The following GFRA1 variants were observed in gnomAD, a reference collection of about 807,000 sequenced individuals.
GFRA1 encodes the protein GDNF family receptor alpha-1.
Under a neutral mutation model 51.6 loss-of-function variants are expected in GFRA1, and 16 were observed. The ratio of observed to expected loss-of-function variants is 0.31; its 90% CI spans 0.21 to 0.47. The LOEUF (loss-of-function observed/expected upper bound fraction) is 0.47. GFRA1 is among the 20% of genes least tolerant of loss of function. GFRA1 has a pLI of 1.00. For missense variants in GFRA1, 530 were observed against 594.3 expected (o/e 0.89, Z 1.13); for synonymous variants, 270 against 241.3 (o/e 1.12, Z -1.10).
At chr10:116,221,145 CCT>C (rs1589884369) in intron 4 of GFRA1, among the ~76,000 whole-genome samples, 1 of 152,132 alleles carries the variant, frequency 6.6e-6, no homozygotes, top group Admixed American at 6.5e-5. Context: ...CTGCCTGAAT[CCT>C]CTCAGTCACC....
chr10:116,217,943 G>A (rs568474473), intron 4 of GFRA1, among the ~76,000 whole-genome samples: 6 of 152,304 alleles, frequency 3.9e-5, no homozygotes, highest in Admixed American at 1.3e-4. Flanking sequence ...GCATAGGACT[G>A]TAAAGGAATC....
chr10:116,060,235 G>C lies in GFRA1; in HGVS notation c.*4163C>G, dbSNP rs1048244210. Reference sequence around the variant, plus strand: ...GCCGTGTCAAAGCCAAGAGGTGTCAGATATACACTTGAGATATCTATCTTA... The same window carrying C: ...GCCGTGTCAAAGCCAAGAGGTGTCACATATACACTTGAGATATCTATCTTA... On this transcript the variant is annotated 3_prime_UTR_variant, in exon 11 of 11. Transcript: ENST00000355422. 1 of 152,144 alleles carries C rather than the reference G, an allele frequency of 6.6e-6. No homozygotes were observed. The highest frequency in any genetic ancestry group is 1.9e-4 in the East Asian group (1 of 5,178). The allele number at this position is 152,144 out of a possible 1,614,324, so 9.4% of individuals were successfully genotyped here. A position where few individuals can be genotyped will look rare whatever the true frequency, so the allele number is the denominator to read the frequency against.
At chr10:116,180,637 A>C (rs1235729926) in intron 5 of GFRA1, among the ~76,000 whole-genome samples, 1 of 152,074 alleles carries the variant, frequency 6.6e-6, no homozygotes. Context: ...TTCTATACCC[A>C]CCCACGGCCA....
At chr10:116,072,632 G>T (rs867460572) in intron 9 of GFRA1, among the ~76,000 whole-genome samples, 4 of 152,158 alleles carry the variant, frequency 2.6e-5, no homozygotes, top group Admixed American at 6.5e-5. Flanking sequence ...ATGTTGGCGC[G>T]CACCTGTAAT....
intron 5 of GFRA1, among the ~76,000 whole-genome samples, chr10:116,208,699 C>T (rs1247188559): frequency 1.3e-5 from 2 of 152,206 alleles, no homozygotes; most frequent in African/African-American, 2.4e-5. Context: ...GATTTCCAAG[C>T]GGCTTGCTCA....
In GFRA1 at chr10:116,064,052, C is replaced by CATGATGATCATCATCATGATA; in HGVS notation, c.*345_*346insTATCATGATGATGATCATCAT. The CATGATGATCATCATCATGATA allele has an allele frequency of 9.3e-6, 1 of 107,582 alleles. No homozygotes were observed. The highest frequency in any genetic ancestry group is 1.4e-5 in the Non-Finnish European group (1 of 70,560). 6.7% of individuals were successfully genotyped at this position (107,582 alleles called of 1,614,324 possible). ...AAACTGTTAAAATCATCATCATGAT[C>CATGATGATCATCATCATGATA]ATGATGATCATCATCATGATCATGA... On this transcript the variant is annotated 3_prime_UTR_variant, in exon 11 of 11. Transcript: ENST00000355422.
intron 5 of GFRA1, among the ~76,000 whole-genome samples, chr10:116,152,500 C>T (rs1323732543): frequency 3.3e-5 from 5 of 152,122 alleles, no homozygotes; most frequent in Admixed American, 3.3e-4. Flanking sequence ...GGGCAGGGAC[C>T]AGAATCTTAA....
In GFRA1 at chr10:116,062,883, TG is replaced by T. The variant is rs1954889177; in HGVS notation, c.*1514del. The T allele has an allele frequency of 6.6e-6, 1 of 152,266 alleles. No individual in the cohort carries two copies. 9.4% of individuals were successfully genotyped at this position (152,266 alleles called of 1,614,324 possible). A position where few individuals can be genotyped will look rare whatever the true frequency, so the allele number is the denominator to read the frequency against. ...CCTTATCACCAGGGTCCTGTTCTGC[TG>T]ATCTGTGCCAAGCAACTCATCTCAC... On this transcript the variant is annotated 3_prime_UTR_variant, in exon 11 of 11. Transcript: ENST00000355422.
In GFRA1 at chr10:116,057,993, TG is replaced by T. The variant is rs1565539512; in HGVS notation, c.*6404del. On this transcript the variant is annotated 3_prime_UTR_variant, in exon 11 of 11. Transcript: ENST00000355422. ...GGATCATATAGCCCTCCAATCATTGTGTGTGTGTGTGTGTGTGTGTGTGTGT... is the reference window on the plus strand; with the variant it reads ...GGATCATATAGCCCTCCAATCATTGTTGTGTGTGTGTGTGTGTGTGTGTGT... 29 of 22,902 alleles carry T rather than the reference TG, an allele frequency of 1.3e-3. No homozygotes were observed. The highest frequency in any genetic ancestry group is 5.0e-3 in the African/African-American group (27 of 5,352). 1.4% of individuals were successfully genotyped at this position (22,902 alleles called of 1,614,324 possible). A position where few individuals can be genotyped will look rare whatever the true frequency, so the allele number is the denominator to read the frequency against.
At chr10:116,269,032 C>G (rs1182953379) in intron 4 of GFRA1, among the ~76,000 whole-genome samples, 1 of 152,160 alleles carries the variant, frequency 6.6e-6, no homozygotes, top group Non-Finnish European at 1.5e-5. Flanking sequence ...TCTTTTAAAT[C>G]AAAGGCAGAC....
At chr10:116,216,381 G>A (rs1191778192) in intron 4 of GFRA1, among the ~76,000 whole-genome samples, 2 of 152,154 alleles carry the variant, frequency 1.3e-5, no homozygotes, top group African/African-American at 4.8e-5. Flanking sequence ...TTTGTTTTAT[G>A]AGGAGAACTG....
In GFRA1 at chr10:116,148,153, A is replaced by T. The variant is rs868551945; in HGVS notation, c.434-22596T>A. On this transcript the variant is annotated intron_variant, in intron 5 of 10. Coordinates refer to ENST00000355422, the MANE Select transcript of GFRA1 (RefSeq NM_005264.8). ...GGGGTGGGGGGTAGGGACTGTTGAGAATTTTGCCTTTTGTCTTCCGGTTTC... is the reference window on the plus strand; with the variant it reads ...GGGGTGGGGGGTAGGGACTGTTGAGTATTTTGCCTTTTGTCTTCCGGTTTC... Among the ~76,000 whole-genome samples, 139 of 144,304 alleles carry T rather than the reference A, an allele frequency of 9.6e-4. 1 individual carries two copies. The highest frequency in any genetic ancestry group is 3.6e-3 in the African/African-American group (131 of 36,836). The allele number at this position is 144,304 out of a possible 152,430, so 94.7% of individuals were successfully genotyped here. A position where few individuals can be genotyped will look rare whatever the true frequency, so the allele number is the denominator to read the frequency against.
In GFRA1 at chr10:116,272,061, C is replaced by A. The variant is rs1160717399; in HGVS notation, c.-32G>T. On this transcript the variant is annotated 5_prime_UTR_variant, in exon 2 of 11. Coordinates refer to ENST00000355422, the MANE Select transcript of GFRA1 (RefSeq NM_005264.8). The surrounding 1 kb of genome is among the most constrained non-coding windows in gnomAD (Gnocchi z 4.4). ...GGCGCGGGGCTGGTCCCCGCCCCCC[C>A]AAAAAAATCCCGAGCCGCCGCTGGG... The A allele has an allele frequency of 3.2e-6, 5 of 1,541,364 alleles. No homozygotes were observed. The highest frequency in any genetic ancestry group is 1.2e-5 in the South Asian group (1 of 83,870).
chr10:116,115,382 C>A (rs1474529336), intron 6 of GFRA1, among the ~76,000 whole-genome samples: 1 of 151,940 alleles, frequency 6.6e-6, no homozygotes, highest in Non-Finnish European at 1.5e-5. Context: ...ACCCTCCTGG[C>A]AGCATGGAAG....
At chr10:116,151,699 T>C (rs1329002363) in intron 5 of GFRA1, among the ~76,000 whole-genome samples, 4 of 151,898 alleles carry the variant, frequency 2.6e-5, no homozygotes, top group African/African-American at 9.7e-5. Flanking sequence ...AGCAGGAGGA[T>C]ACGCACCACA....
At chr10:116,142,058 T>C (rs1958594193) in intron 5 of GFRA1, among the ~76,000 whole-genome samples, 1 of 152,202 alleles carries the variant, frequency 6.6e-6, no homozygotes, top group Admixed American at 6.5e-5. Flanking sequence ...AAAGATTACT[T>C]ACCTCTTGGC....
intron 6 of GFRA1, among the ~76,000 whole-genome samples, chr10:116,111,778 C>T (rs1317298000): frequency 6.6e-6 from 1 of 152,212 alleles, no homozygotes; most frequent in African/African-American, 2.4e-5. Flanking sequence ...TCAGGCCTCA[C>T]CCTAGACCTC....
chr10:116,176,182 G>A (rs771487232), intron 5 of GFRA1, among the ~76,000 whole-genome samples: 12 of 152,224 alleles, frequency 7.9e-5, no homozygotes, highest in Admixed American at 2.0e-4. Flanking sequence ...TTTACTAAGA[G>A]CCTACTACGT....
At chr10:116,086,867 G>A (rs1407631196) in intron 9 of GFRA1, among the ~76,000 whole-genome samples, 1 of 152,314 alleles carries the variant, frequency 6.6e-6, no homozygotes, top group Non-Finnish European at 1.5e-5. Context: ...ACCCAGGCCA[G>A]AGTGCAGTGG....
Sources: gnomAD v4.1 joint callset for allele counts (sites outside exome capture counted in the v4.1 genomes callset) on GRCh38, gnomAD v4.1.1 for gene constraint, Gnocchi (gnomAD v3.1) non-coding constraint, MANE v1.5 for transcripts, NCBI Gene and HGNC (gene_info 2026-07-23, HGNC 2026-07-21) for gene names.